The following CAMKMT variants were observed in gnomAD, a reference collection of about 807,000 sequenced individuals.
The protein encoded by CAMKMT is calmodulin-lysine N-methyltransferase, also known as CaM KMT.
CAMKMT carries 53 observed loss-of-function variants against 48.0 expected under a neutral mutation model. The observed-to-expected ratio is 1.10, with a 90% confidence interval of 0.89 to 1.39. CAMKMT has a LOEUF of 1.39. CAMKMT is among the 40% of genes most tolerant of loss of function. The probability of loss-of-function intolerance (pLI) is 0.00; values close to 1 mark genes in which losing one functional copy is unlikely to be tolerated. For missense variants in CAMKMT, 428 were observed against 402.7 expected, an observed-to-expected ratio of 1.06 and a Z score of -0.54; for synonymous variants, 165 against 152.3, an observed-to-expected ratio of 1.08 and a Z score of -0.61.
rs199863027 is a variant in CAMKMT, at chr2:44,692,258, TA to T, written c.377-12013del. Among the ~76,000 whole-genome samples, 1,154 of 146,330 alleles carry T rather than the reference TA, an allele frequency of 7.9e-3. 19 individuals are homozygous for T. Among genetic ancestry groups the T allele is most frequent in the Admixed American group, 0.035 (512 of 14,702 alleles). On this transcript the variant is annotated intron_variant, in intron 3 of 10. Coordinates refer to ENST00000378494, the MANE Select transcript of CAMKMT (RefSeq NM_024766.5). Reference sequence around the variant, plus strand: ...GCAGCATCATTTCTGTTTTTAATAGTAAAAAAAAAAAATTACTCTATGTTAG... The same window carrying T: ...GCAGCATCATTTCTGTTTTTAATAGTAAAAAAAAAAATTACTCTATGTTAG...
rs549303995 is a variant in CAMKMT, at chr2:44,737,811, T to C, written c.624-5811T>C. On this transcript the variant is annotated intron_variant, in intron 7 of 10. Coordinates refer to ENST00000378494, the MANE Select transcript of CAMKMT (RefSeq NM_024766.5). ...TGCTCTCCTATTCAGTATTTTATCCTGGGAACTCTGAAGTTTCTTAGACTC... is the reference window on the plus strand; with the variant it reads ...TGCTCTCCTATTCAGTATTTTATCCCGGGAACTCTGAAGTTTCTTAGACTC... 3.3e-5 allele frequency among the ~76,000 whole-genome samples: 5 copies of C among 152,050 alleles called. No individual in the cohort carries two copies. In the East Asian group the frequency reaches 7.7e-4, roughly 24 times the overall value.
intron 3 of CAMKMT, among the ~76,000 whole-genome samples, chr2:44,632,928 C>T (rs531405377): frequency 6.6e-6 from 1 of 152,238 alleles, no homozygotes; most frequent in African/African-American, 2.4e-5. Flanking sequence ...TTGCAGATGG[C>T]CTATTGTGGA....
intron 3 of CAMKMT, among the ~76,000 whole-genome samples, chr2:44,443,329 T>A (rs560181570): frequency 6.6e-6 from 1 of 152,136 alleles, no homozygotes; most frequent in Non-Finnish European, 1.5e-5. Flanking sequence ...ATGGGGAAAT[T>A]TATTAGTTTT....
intron 1 of CAMKMT, among the ~76,000 whole-genome samples, chr2:44,367,926 G>C (rs1022133423): frequency 1.3e-5 from 2 of 152,138 alleles, no homozygotes; most frequent in Admixed American, 1.3e-4. Flanking sequence ...TACCCATCTG[G>C]TCTTCATAAG....
At chr2:44,583,854 C>T (rs1165909306) in intron 3 of CAMKMT, among the ~76,000 whole-genome samples, 1 of 152,134 alleles carries the variant, frequency 6.6e-6, no homozygotes, top group Non-Finnish European at 1.5e-5. Context: ...AAAATGCACA[C>T]ATTGCAAGTG....
chr2:44,363,377 C>A (rs140545843), intron 1 of CAMKMT, among the ~76,000 whole-genome samples: 1 of 151,714 alleles, frequency 6.6e-6, no homozygotes, highest in East Asian at 1.9e-4. Context: ...ACCCCCCTTC[C>A]CCCCTCCTTT....
At chr2:44,407,222 T>C (rs189547000) in intron 3 of CAMKMT, among the ~76,000 whole-genome samples, 246 of 152,234 alleles carry the variant, frequency 1.6e-3, no homozygotes, top group African/African-American at 5.8e-3. Context: ...TTTTCAATAA[T>C]TTTGCTCCCT....
intron 3 of CAMKMT, among the ~76,000 whole-genome samples, chr2:44,502,175 C>T (rs561296202): frequency 2.6e-5 from 4 of 151,862 alleles, no homozygotes; most frequent in South Asian, 4.2e-4. Flanking sequence ...GAGCCAAGAT[C>T]GCACCACTAC....
chr2:44,502,051 C>G (rs1342858025), intron 3 of CAMKMT, among the ~76,000 whole-genome samples: 1 of 151,924 alleles, frequency 6.6e-6, no homozygotes, highest in African/African-American at 2.4e-5. Context: ...TGAAACTTGT[C>G]TCTACAAAAA....
chr2:44,772,282 C>G lies in CAMKMT; in HGVS notation c.*169C>G. ...ACCCACGTTATTCCCCAGCTGCCCTCTCCAGCTCCCTCCCCGCCTCTTTTT... is the reference window on the plus strand; with the variant it reads ...ACCCACGTTATTCCCCAGCTGCCCTGTCCAGCTCCCTCCCCGCCTCTTTTT... On this transcript the variant is annotated 3_prime_UTR_variant, in exon 11 of 11. Coordinates refer to ENST00000378494, the MANE Select transcript of CAMKMT (RefSeq NM_024766.5). 1.8e-6 allele frequency: 1 copy of G among 567,518 alleles called. No homozygotes were observed. The highest frequency in any genetic ancestry group is 2.4e-5 in the South Asian group (1 of 42,200). 35.2% of individuals were successfully genotyped at this position (567,518 alleles called of 1,614,324 possible).
At chr2:44,451,083 A>G (rs539175384) in intron 3 of CAMKMT, among the ~76,000 whole-genome samples, 1 of 152,256 alleles carries the variant, frequency 6.6e-6, no homozygotes, top group East Asian at 1.9e-4. Flanking sequence ...CTCAAATTTT[A>G]AATCTAATTT....
intron 3 of CAMKMT, among the ~76,000 whole-genome samples, chr2:44,612,619 A>T (rs1040980961): frequency 5.3e-5 from 8 of 152,222 alleles, no homozygotes; most frequent in Admixed American, 3.9e-4. Context: ...AGTTCCTATC[A>T]TTAAAAGGTC....
chr2:44,621,044 G>A (rs1043539876), intron 3 of CAMKMT, among the ~76,000 whole-genome samples: 1 of 152,090 alleles, frequency 6.6e-6, no homozygotes, highest in Admixed American at 6.5e-5. Flanking sequence ...CGAGGCGGGC[G>A]GATCACGAGG....
At chr2:44,365,861 C>T (rs956995502) in intron 1 of CAMKMT, among the ~76,000 whole-genome samples, 3 of 152,322 alleles carry the variant, frequency 2.0e-5, no homozygotes, top group South Asian at 2.1e-4. Flanking sequence ...GAATACTTGG[C>T]TGAAGAATCT....
At chr2:44,549,720 C>CA (rs1667602239) in intron 3 of CAMKMT, 2 of 520,164 alleles carry the variant, frequency 3.8e-6, no homozygotes, top group Admixed American at 3.4e-5. Context: ...CCCAAAGTCT[C>CA]AGACTTCAGT....
chr2:44,555,305 A>G (rs1049209410), intron 3 of CAMKMT, among the ~76,000 whole-genome samples: 1 of 152,178 alleles, frequency 6.6e-6, no homozygotes, highest in African/African-American at 2.4e-5. Context: ...AGGGATAGAG[A>G]AGAAGTGAAT....
At chr2:44,650,463 T>C (rs1433041029) in intron 3 of CAMKMT, among the ~76,000 whole-genome samples, 1 of 152,228 alleles carries the variant, frequency 6.6e-6, no homozygotes, top group Non-Finnish European at 1.5e-5. Flanking sequence ...GATCAATCCA[T>C]AATATCATTG....
At chr2:44,725,422 T>C (rs1390298050) in intron 7 of CAMKMT, among the ~76,000 whole-genome samples, 1 of 152,186 alleles carries the variant, frequency 6.6e-6, no homozygotes, top group Non-Finnish European at 1.5e-5. Flanking sequence ...TTTCTGCCTT[T>C]AGTAAGCTCA....
At chr2:44,678,626 G>A (rs150136382) in intron 3 of CAMKMT, among the ~76,000 whole-genome samples, 47 of 152,242 alleles carry the variant, frequency 3.1e-4, no homozygotes, top group Admixed American at 6.5e-4. Context: ...AGCAAAAAAC[G>A]GACAATACTA....
Sources: allele counts gnomAD v4.1 joint callset (sites outside exome capture counted in the v4.1 genomes callset), GRCh38; gene constraint gnomAD v4.1.1; transcripts MANE v1.5; gene names NCBI Gene and HGNC (gene_info 2026-07-23, HGNC 2026-07-21).